PDK3: variants seen among roughly 807,000 people sequenced by gnomAD.
The protein encoded by PDK3 is pyruvate dehydrogenase kinase 3, also known as pyruvate dehydrogenase kinase, isozyme 3.
PDK3 carries 12 observed loss-of-function variants against 32.0 expected under a neutral mutation model. That is an observed-to-expected ratio of 0.37 (90% confidence interval 0.24 to 0.61). The LOEUF (loss-of-function observed/expected upper bound fraction) is 0.61. PDK3 is among the 20% of genes least tolerant of loss of function. The probability of loss-of-function intolerance (pLI) is 0.65; values close to 1 mark genes in which losing one functional copy is unlikely to be tolerated. For synonymous variants in PDK3, 122 were observed against 116.3 expected, an observed-to-expected ratio of 1.05 and a Z score of -0.31; for missense variants, 188 against 316.9, an observed-to-expected ratio of 0.59 and a Z score of 3.09.
intron 1 of PDK3, among the ~76,000 whole-genome samples, chrX:24,468,807 T>C (rs994670392): frequency 2.7e-5 from 3 of 112,465 alleles, no homozygotes; most frequent in African/African-American, 9.7e-5. Flanking sequence ...ATTTTTAATT[T>C]ATTATGGCAA....
intron 1 of PDK3, among the ~76,000 whole-genome samples, chrX:24,470,859 G>A (rs1314863276): frequency 9.1e-6 from 1 of 109,493 alleles, no homozygotes; most frequent in Non-Finnish European, 1.9e-5. Flanking sequence ...ATGATTTATT[G>A]GGTTGGATTT....
At chrX:24,473,580 G>GCA (rs1921031143) in intron 1 of PDK3, among the ~76,000 whole-genome samples, 1 of 108,424 alleles carries the variant, frequency 9.2e-6, no homozygotes, top group African/African-American at 3.4e-5. Context: ...GGGATTACAG[G>GCA]TGTCTGCCAC....
At chrX:24,536,988 A>G (rs1922789593), downstream of PDK3, among the ~76,000 whole-genome samples, 2 of 111,103 alleles carry the variant, frequency 1.8e-5, no homozygotes, top group African/African-American at 6.6e-5. Context: ...TTAGTGTTCT[A>G]TTGCCAAAAC....
intron 6 of PDK3, among the ~76,000 whole-genome samples, chrX:24,521,278 CAAA>C (rs71930419): frequency 7.1e-5 from 3 of 42,077 alleles, no homozygotes; most frequent in Non-Finnish European, 4.2e-5. Flanking sequence ...GACTCTGTCT[CAAA>C]AAAAAAAAAA....
exon 12 of PDK3, among the ~76,000 whole-genome samples, chrX:24,544,475 C>T (rs766488103): frequency 8.9e-6 from 1 of 111,778 alleles, no homozygotes; most frequent in South Asian, 3.8e-4. Context: ...AGATCTCAAC[C>T]GCCTGTCCTC....
At chrX:24,545,267 A>G (rs1402972187) in exon 12 of PDK3, among the ~76,000 whole-genome samples, 1 of 111,836 alleles carries the variant, frequency 8.9e-6, no homozygotes, top group African/African-American at 3.3e-5. Flanking sequence ...TGTCTTTTCA[A>G]TCAACCCATT....
intron 1 of PDK3, among the ~76,000 whole-genome samples, chrX:24,474,578 T>G (rs1233130431): frequency 9.1e-6 from 1 of 109,341 alleles, no homozygotes; most frequent in Non-Finnish European, 1.9e-5. Context: ...CACGCCCGGC[T>G]AATTTTTGTA....
At chrX:24,465,696 G>C (rs1940057113) in intron 1 of PDK3, 135 bp downstream of exon 1, 1 of 499,214 alleles carries the variant, frequency 2.0e-6, no homozygotes, top group Admixed American at 3.9e-5. Flanking sequence ...GGGCTCTCCT[G>C]GGGCTCGGAT....
At chrX:24,495,789 G>A (rs776526041) in intron 2 of PDK3, among the ~76,000 whole-genome samples, 17 of 111,914 alleles carry the variant, frequency 1.5e-4, no homozygotes, top group Non-Finnish European at 2.6e-4. Context: ...TGCAGTCCTC[G>A]AATCACTTGG....
chrX:24,484,350 A>T (rs762414874), intron 1 of PDK3, among the ~76,000 whole-genome samples: 34 of 112,504 alleles, frequency 3.0e-4, no homozygotes, highest in Non-Finnish European at 6.4e-4. Context: ...CAGGTATTGT[A>T]CTAATGGACT....
At chrX:24,474,806 C>G (rs7062675) in intron 1 of PDK3, among the ~76,000 whole-genome samples, 42,121 of 110,633 alleles carry the variant, frequency 0.38, 6,045 homozygotes, top group African/African-American at 0.52. Context: ...CGTCTTTTCA[C>G]AAAACTAAAT....
At chrX:24,491,873 T>C (rs5986277) in intron 1 of PDK3, among the ~76,000 whole-genome samples, 50,529 of 109,588 alleles carry the variant, frequency 0.46, 9,564 homozygotes, top group African/African-American at 0.73. Flanking sequence ...GAGGTTGAGG[T>C]GGTAGTAAAC....
downstream of PDK3, chrX:24,539,178 G>T: frequency 3.7e-6 from 4 of 1,087,611 alleles, no homozygotes; most frequent in Non-Finnish European, 5.0e-6. Context: ...ACTGAATGCT[G>T]TGGTCCTCTC....
chrX:24,509,681 A>G (rs1234336002), intron 5 of PDK3, among the ~76,000 whole-genome samples: 3 of 111,603 alleles, frequency 2.7e-5, no homozygotes, highest in Admixed American at 9.6e-5. Context: ...AGGTGGTTTC[A>G]GATTCCGAAA....
intron 2 of PDK3, among the ~76,000 whole-genome samples, chrX:24,496,296 T>TACACACACACACAC (rs74314230): frequency 1.9e-5 from 2 of 102,727 alleles, no homozygotes; most frequent in African/African-American, 7.2e-5. Flanking sequence ...ACTCTCTGCA[T>TACACACACACACAC]ACACACACAC....
At chrX:24,496,987 A>G (rs1000126824) in intron 2 of PDK3, among the ~76,000 whole-genome samples, 3 of 107,540 alleles carry the variant, frequency 2.8e-5, no homozygotes, top group Non-Finnish European at 5.8e-5. Context: ...TCACTGTGTT[A>G]GCCAGGTTGG....
In PDK3 at chrX:24,472,675, C is replaced by CTTTTT. The variant is rs761538432; in HGVS notation, c.106+7136_106+7140dup. ...ATATGGCTTACATATTTCTTTCTTT[C>CTTTTT]TTTTTTTTTTTTTTTTTTTTTTTTT... On this transcript the variant is annotated intron_variant, in intron 1 of 10. Transcript: ENST00000379162. 2.3e-3 allele frequency among the ~76,000 whole-genome samples: 114 copies of CTTTTT among 49,718 alleles called. 1 individual carries two copies. The highest frequency in any genetic ancestry group is 5.3e-3 in the African/African-American group (59 of 11,160). The allele number at this position is 49,718 out of a possible 115,157, so 43.2% of individuals were successfully genotyped here.
chrX:24,474,649 G>A (rs1312583317), intron 1 of PDK3, among the ~76,000 whole-genome samples: 3 of 110,124 alleles, frequency 2.7e-5, no homozygotes, highest in Non-Finnish European at 3.8e-5. Flanking sequence ...CCTGACTTCA[G>A]GTGATCCACC....
chrX:24,544,712 G>A (rs377601288), exon 12 of PDK3, among the ~76,000 whole-genome samples: 4 of 112,014 alleles, frequency 3.6e-5, no homozygotes, highest in Admixed American at 2.8e-4. Context: ...CCTGGAGTCC[G>A]TGGTATGGAG....
Sources: gnomAD v4.1 joint callset for allele counts (sites outside exome capture counted in the v4.1 genomes callset) on GRCh38, gnomAD v4.1.1 for gene constraint, MANE v1.5 for transcripts, NCBI Gene and HGNC (gene_info 2026-07-23, HGNC 2026-07-21) for gene names.